The following APC variants were observed in gnomAD, a reference collection of about 807,000 sequenced individuals.
APC encodes the protein adenomatous polyposis coli protein.
In APC, 72 loss-of-function variants were observed where a neutral mutation model predicts 247.0. That is an observed-to-expected ratio of 0.29 (90% CI 0.24 to 0.35). APC has a LOEUF of 0.35. APC is among the 10% of genes least tolerant of loss of function. The pLI, the probability that APC is intolerant of heterozygous loss-of-function variation, is 1.00. For missense variants in APC, 3,400 were observed against 3,360.7 expected (o/e 1.01, Z -0.29); for synonymous variants, 1,254 against 1,162.5 (o/e 1.08, Z -1.60).
chr5:112,761,391 A>C (rs1755653489), intron 2 of APC, among the ~76,000 whole-genome samples: 1 of 152,226 alleles, frequency 6.6e-6, no homozygotes, highest in Non-Finnish European at 1.5e-5. Context: ...CTTGAAAAAA[A>C]GAAAAATGAA....
chr5:112,713,610 A>G (rs957534735), intron 1 of APC, among the ~76,000 whole-genome samples: 1 of 152,214 alleles, frequency 6.6e-6, no homozygotes, highest in African/African-American at 2.4e-5. Flanking sequence ...TTTTCAGATA[A>G]TAGTGGCAAA....
intron 2 of APC, among the ~76,000 whole-genome samples, chr5:112,757,313 C>T (rs1471996645): frequency 6.6e-6 from 1 of 152,068 alleles, no homozygotes; most frequent in Non-Finnish European, 1.5e-5. Context: ...ACCATTGGCA[C>T]TTCCTACTGT....
intron 4 of APC, among the ~76,000 whole-genome samples, chr5:112,768,681 GAA>G (rs1449058980): frequency 6.6e-6 from 1 of 151,982 alleles, no homozygotes; most frequent in Non-Finnish European, 1.5e-5. Flanking sequence ...CTAGCTATTT[GAA>G]ACTATGTAAT....
rs1561578068 is a variant in APC, at chr5:112,838,165, A to C, written c.2571A>C (p.Gly857=). 1 of 1,614,180 alleles carries C rather than the reference A, an allele frequency of 6.2e-7. No individual in the cohort carries two copies. Among genetic ancestry groups the C allele is most frequent in the Non-Finnish European group, 8.5e-7 (1 of 1,180,032 alleles). ...EKDRSLERER[G]IGLGNYHPAT... is the part of the protein sequence containing the mutation. ...ATAGAAGTTTGGAGAGAGAACGCGG[A>C]ATTGGTCTAGGCAACTACCATCCAG... Residue 857 remains glycine, a synonymous_variant, in exon 16 of 16, where the codon GGA becomes GGC. Transcript: ENST00000257430.
chr5:112,733,887 A>G (rs978450846), upstream of APC, among the ~76,000 whole-genome samples: 1 of 152,242 alleles, frequency 6.6e-6, no homozygotes, highest in Non-Finnish European at 1.5e-5. Flanking sequence ...AGTGTGAAGA[A>G]CTATTTTGGT....
rs985972948 is a variant in APC at position 112,826,989 on chromosome 5, T to C, written c.1409-119T>C. On this transcript the variant is annotated intron_variant, in intron 11 of 15. Coordinates refer to ENST00000257430, the MANE Select transcript of APC (RefSeq NM_000038.6). ...TGTAGCTTATAATTCTAAAGGCAAATTTAAACCATATATTCTCATTGATTG... is the reference window on the plus strand; with the variant it reads ...TGTAGCTTATAATTCTAAAGGCAAACTTAAACCATATATTCTCATTGATTG... The C allele has an allele frequency of 4.1e-6, 4 of 966,084 alleles. No homozygotes were observed. In the African/African-American group the frequency reaches 6.6e-5, roughly 16 times the overall value. The allele number at this position is 966,084 out of a possible 1,614,324, so 59.8% of individuals were successfully genotyped here. A position where few individuals can be genotyped will look rare whatever the true frequency, so the allele number is the denominator to read the frequency against.
At chr5:112,744,364 T>C (rs1753400786) in intron 1 of APC, among the ~76,000 whole-genome samples, 1 of 152,232 alleles carries the variant, frequency 6.6e-6, no homozygotes, top group Admixed American at 6.5e-5. Context: ...CTGTTCATTC[T>C]TACGTGTATA....
chr5:112,800,560 T>C (rs191469832), intron 7 of APC, among the ~76,000 whole-genome samples: 19 of 152,284 alleles, frequency 1.2e-4, no homozygotes, highest in Non-Finnish European at 2.2e-4. Flanking sequence ...TTATTTTAGA[T>C]ATTTTTTTCC....
intron 6 of APC, among the ~76,000 whole-genome samples, chr5:112,781,450 A>G (rs1758338229): frequency 6.6e-6 from 1 of 152,244 alleles, no homozygotes; most frequent in Non-Finnish European, 1.5e-5. Flanking sequence ...TTTATATTCA[A>G]ACAAGTTTAT....
At chr5:112,713,444 T>C (rs1214506462) in intron 1 of APC, among the ~76,000 whole-genome samples, 1 of 152,170 alleles carries the variant, frequency 6.6e-6, no homozygotes, top group Non-Finnish European at 1.5e-5. Flanking sequence ...CTCTTTCCGA[T>C]GTCCATCCTG....
chr5:112,805,878 C>A (rs904482881), intron 8 of APC, among the ~76,000 whole-genome samples: 3 of 152,216 alleles, frequency 2.0e-5, no homozygotes, highest in African/African-American at 7.2e-5. Flanking sequence ...TGCCCACAAT[C>A]ATTCTCTTTG....
intron 15 of APC, among the ~76,000 whole-genome samples, chr5:112,835,869 G>A (rs1037068830): frequency 4.6e-5 from 7 of 151,290 alleles, no homozygotes; most frequent in African/African-American, 1.2e-4. Context: ...CACCGCGCCC[G>A]GCCAATAATC....
At chr5:112,768,301 T>G (rs1756596053) in intron 4 of APC, among the ~76,000 whole-genome samples, 1 of 151,456 alleles carries the variant, frequency 6.6e-6, no homozygotes, top group Admixed American at 6.6e-5. Flanking sequence ...TGCCTCGGCC[T>G]TCTAAAGTGC....
At chr5:112,709,681 C>T (rs1323885156) in intron 1 of APC, among the ~76,000 whole-genome samples, 1 of 152,068 alleles carries the variant, frequency 6.6e-6, no homozygotes, top group Non-Finnish European at 1.5e-5. Context: ...GCGCATGGAT[C>T]GCATGAGTCC....
At chr5:112,827,799 T>G (rs1320311714) in intron 12 of APC, 130 bp from the exon 13 acceptor site, 3 of 725,072 alleles carry the variant, frequency 4.1e-6, no homozygotes, top group Non-Finnish European at 7.2e-6. Flanking sequence ...TTCTAGATTT[T>G]TTATGAGTGA....
In APC at chr5:112,841,631, C is replaced by T. The variant is rs756213379; in HGVS notation, c.6037C>T (p.His2013Tyr). The change falls in exon 16 of 16, where the codon CAT becomes TAT. Residue 2013 changes from histidine to tyrosine, a missense_variant. Transcript: ENST00000257430. The surrounding 1 kb of genome is among the most constrained non-coding windows in gnomAD (Gnocchi z 4.6). ...QASGYAPKSFHVEDTPVCFSR... is the reference protein window; with the variant it reads ...QASGYAPKSFYVEDTPVCFSR... ...ATCAGGCTATGCTCCTAAATCATTT[C>T]ATGTTGAAGATACCCCAGTTTGTTT... 2 of 1,613,352 alleles carry T rather than the reference C, an allele frequency of 1.2e-6. No homozygotes were observed. Among genetic ancestry groups the T allele is most frequent in the Non-Finnish European group, 8.5e-7 (1 of 1,179,306 alleles).
intron 7 of APC, among the ~76,000 whole-genome samples, chr5:112,793,815 A>G (rs1232651041): frequency 6.6e-6 from 1 of 152,190 alleles, no homozygotes; most frequent in East Asian, 1.9e-4. Context: ...AACATCATGT[A>G]TAAGAATAAT....
chr5:112,707,638 T>C, exon 1 of APC: 3 of 1,349,216 alleles, frequency 2.2e-6, no homozygotes, highest in Non-Finnish European at 2.9e-6. Flanking sequence ...GTTGGCTCGA[T>C]GCTGTTCCCA....
At chr5:112,775,758 A>G (rs1757579050) in intron 5 of APC, 21 bp downstream of exon 5, 7 of 1,318,884 alleles carry the variant, frequency 5.3e-6, no homozygotes, top group Non-Finnish European at 7.5e-6. Flanking sequence ...TGGCAGTACA[A>G]CTTATTTGAA....
Sources: gnomAD v4.1 joint callset for allele counts (sites outside exome capture counted in the v4.1 genomes callset) on GRCh38, gnomAD v4.1.1 for gene constraint, Gnocchi (gnomAD v3.1) non-coding constraint, MANE v1.5 for transcripts, NCBI Gene and HGNC (gene_info 2026-07-23, HGNC 2026-07-21) for gene names.